The following RELN variants were observed in gnomAD, a reference collection of about 807,000 sequenced individuals.
RELN encodes the protein reelin.
RELN carries 108 observed loss-of-function variants against 427.6 expected under a neutral mutation model. The ratio of observed to expected loss-of-function variants is 0.25; its 90% CI spans 0.22 to 0.30. RELN has a LOEUF of 0.30. RELN is among the 10% of genes least tolerant of loss of function. The probability of loss-of-function intolerance (pLI) is 1.00; values close to 1 mark genes in which losing one functional copy is unlikely to be tolerated. For synonymous variants in RELN, 1,524 were observed against 1,513.4 expected, an observed-to-expected ratio of 1.01 and a Z score of -0.16; for missense variants, 3,715 against 4,302.8, an observed-to-expected ratio of 0.86 and a Z score of 3.82.
chr7:103,608,032 G>A (rs1831858730), intron 22 of RELN, among the ~76,000 whole-genome samples: 1 of 152,136 alleles, frequency 6.6e-6, no homozygotes, highest in Non-Finnish European at 1.5e-5. Context: ...ACAAATATGT[G>A]ATAATGCAGG....
intron 56 of RELN, among the ~76,000 whole-genome samples, chr7:103,496,311 C>A (rs923999933): frequency 6.6e-6 from 1 of 152,104 alleles, no homozygotes; most frequent in African/African-American, 2.4e-5. Flanking sequence ...GACATTGAGC[C>A]TTTAACATGA....
intron 22 of RELN, among the ~76,000 whole-genome samples, chr7:103,607,447 A>G (rs1448500851): frequency 1.3e-5 from 2 of 152,176 alleles, no homozygotes; most frequent in South Asian, 2.1e-4. Context: ...CTCTCCCTCA[A>G]TACAAATATT....
intron 51 of RELN, among the ~76,000 whole-genome samples, chr7:103,506,800 C>G (rs1829229307): frequency 1.3e-5 from 2 of 151,634 alleles, no homozygotes; most frequent in Non-Finnish European, 3.0e-5. Context: ...ATCTCATGTG[C>G]AAAGACATAC....
In RELN at chr7:103,593,694, C is replaced by T. The variant is rs372465717; in HGVS notation, c.3900G>A (p.Val1300=). The T allele has an allele frequency of 5.6e-6, 9 of 1,613,278 alleles. No individual in the cohort carries two copies. Among genetic ancestry groups the T allele is most frequent in the Non-Finnish European group, 7.6e-6 (9 of 1,179,276 alleles). Residue 1300 remains valine, a synonymous_variant, in exon 27 of 65, where the codon GTG becomes GTA. Transcript: ENST00000428762. ...TGTGCATAAATACCTTGAACTGTAG[C>T]ACATATCCAGGTTTCAGGGTCAAAT... ...TRDLTLKPGY[V]LQFKLNIGCA...
chr7:103,790,400 C>A (rs1297028385), intron 3 of RELN, among the ~76,000 whole-genome samples: 1 of 151,560 alleles, frequency 6.6e-6, no homozygotes, highest in Non-Finnish European at 1.5e-5. Flanking sequence ...TGGAATTTTA[C>A]TTCTATATAA....
At chr7:103,535,554 C>T (rs1830030692) in intron 45 of RELN, 70 bp from the exon 46 acceptor site, 5 of 1,425,988 alleles carry the variant, frequency 3.5e-6, no homozygotes, top group Admixed American at 3.4e-5. Context: ...TTGTTTATCA[C>T]ATTTGTGTAT....
Position 103,593,698 on chromosome 7 carries a change from T to C in RELN, c.3896A>G (p.Tyr1299Cys), listed in dbSNP as rs1434961495. 4 of 1,613,442 alleles carry C rather than the reference T, an allele frequency of 2.5e-6. No individual in the cohort carries two copies. The highest frequency in any genetic ancestry group is 1.1e-5 in the South Asian group (1 of 91,058). The part of the protein sequence containing the change: ...VTRDLTLKPG[Y>C]VLQFKLNIGC... ...CATAAATACCTTGAACTGTAGCACA[T>C]ATCCAGGTTTCAGGGTCAAATCTCG... The change falls in exon 27 of 65, where the codon TAT becomes TGT. Residue 1299 changes from tyrosine to cysteine, a missense_variant. Tyr to Cys is a radical substitution (Grantham distance 194). Transcript: ENST00000428762.
Position 103,561,515 on chromosome 7 carries a change from T to C in RELN, c.5529+17A>G, listed in dbSNP as rs1222500418. On this transcript the variant is annotated intron_variant, in intron 36 of 64. Coordinates refer to ENST00000428762, the MANE Select transcript of RELN (RefSeq NM_005045.4). ...TTAGTAGTAATGTTGGGAAGGAGAA[T>C]CTTATCTGTATCTGACCCCTTTAAA... The C allele has an allele frequency of 3.8e-6, 6 of 1,589,674 alleles. No individual in the cohort carries two copies. Among genetic ancestry groups the C allele is most frequent in the Non-Finnish European group, 5.2e-6 (6 of 1,158,034 alleles).
chr7:103,708,046 G>A (rs986732132), intron 8 of RELN, among the ~76,000 whole-genome samples: 2 of 151,982 alleles, frequency 1.3e-5, no homozygotes, highest in African/African-American at 4.8e-5. Flanking sequence ...TTGTAAACTT[G>A]GTCTGATCTA....
rs1469215547 is a variant in RELN at position 103,483,815 on chromosome 7, G to A, written c.10019C>T (p.Ser3340Leu). 8 of 1,613,896 alleles carry A rather than the reference G, an allele frequency of 5.0e-6. No individual in the cohort carries two copies. The highest frequency in any genetic ancestry group is 1.6e-4 in the Middle Eastern group (1 of 6,072). Reference sequence around the variant, plus strand: ...GTCACTGTTGCAGCTGTCCGTCTGCGACATGCTCCCAATTTGCAAAACAAA... The same window carrying A: ...GTCACTGTTGCAGCTGTCCGTCTGCAACATGCTCCCAATTTGCAAAACAAA... ...IMFVLQIGSM[S>L]QTDSCNSDLS... is the part of the protein sequence containing the mutation. Residue 3340 changes from serine to leucine, a missense_variant, in exon 62 of 65, where the codon TCG becomes TTG. Physicochemically the swap from Ser to Leu is moderately radical, Grantham distance 145. Transcript: ENST00000428762.
chr7:103,629,903 G>T (rs6977502), intron 20 of RELN, 37 bp downstream of exon 20: 1 of 1,240,184 alleles, frequency 8.1e-7, no homozygotes, highest in Non-Finnish European at 1.2e-6. Context: ...CTAATTCCTA[G>T]TGCAAATTGT....
intron 55 of RELN, among the ~76,000 whole-genome samples, chr7:103,497,283 A>G (rs1828870319): frequency 6.6e-6 from 1 of 152,182 alleles, no homozygotes; most frequent in African/African-American, 2.4e-5. Context: ...ATTAAGAATG[A>G]TATCTATCTG....
chr7:103,812,346 A>G (rs921496007), intron 3 of RELN, among the ~76,000 whole-genome samples: 8 of 152,164 alleles, frequency 5.3e-5, no homozygotes, highest in Non-Finnish European at 1.0e-4. Flanking sequence ...TCTATGTCAC[A>G]TATTGGGCTG....
At chr7:103,816,368 G>A (rs1179830575) in intron 3 of RELN, among the ~76,000 whole-genome samples, 1 of 152,078 alleles carries the variant, frequency 6.6e-6, no homozygotes, top group Non-Finnish European at 1.5e-5. Flanking sequence ...AACACAGTGA[G>A]GTTCCATCTC....
intron 3 of RELN, among the ~76,000 whole-genome samples, chr7:103,799,789 G>A (rs1285490112): frequency 6.6e-6 from 1 of 152,146 alleles, no homozygotes; most frequent in African/African-American, 2.4e-5. Context: ...CCTGGAATCT[G>A]AGTCTGAATC....
intron 4 of RELN, 94 bp downstream of exon 4, chr7:103,776,459 TTAAG>T: frequency 1.6e-6 from 2 of 1,226,098 alleles, no homozygotes; most frequent in South Asian, 1.2e-5. Context: ...AAGCTTACGA[TTAAG>T]TAATCATAAT....
chr7:103,555,221 G>A (rs1041248687), intron 38 of RELN, among the ~76,000 whole-genome samples: 1 of 152,028 alleles, frequency 6.6e-6, no homozygotes, highest in Non-Finnish European at 1.5e-5. Flanking sequence ...CTTGAAAAAA[G>A]GTGATAAGTC....
chr7:103,893,136 G>A (rs1052097539), intron 2 of RELN, among the ~76,000 whole-genome samples: 2 of 152,132 alleles, frequency 1.3e-5, no homozygotes, highest in African/African-American at 4.8e-5. Context: ...CCCAAAAGCT[G>A]TGTTCACAGG....
intron 34 of RELN, among the ~76,000 whole-genome samples, chr7:103,562,436 A>C (rs1276576805): frequency 6.6e-6 from 1 of 152,116 alleles, no homozygotes; most frequent in African/African-American, 2.4e-5. Flanking sequence ...ATACTTCTGC[A>C]CTCTACTTTG....
Sources: gnomAD v4.1 joint callset for allele counts (sites outside exome capture counted in the v4.1 genomes callset) on GRCh38, gnomAD v4.1.1 for gene constraint, MANE v1.5 for transcripts, NCBI Gene and HGNC (gene_info 2026-07-23, HGNC 2026-07-21) for gene names.